Variants in LRP2 observed in about 807,000 individuals in gnomAD.
LRP2 encodes LDL receptor related protein 2, also known as low-density lipoprotein receptor-related protein 2.
In LRP2, 172 loss-of-function variants were observed where a neutral mutation model predicts 531.0. That is an observed-to-expected ratio of 0.32 (90% CI 0.29 to 0.37). LRP2 has a LOEUF of 0.37. Ranked by LOEUF, LRP2 falls within the 10% of genes least tolerant of loss-of-function variation. The probability of loss-of-function intolerance (pLI) is 1.00; values close to 1 mark genes in which losing one functional copy is unlikely to be tolerated. For missense variants in LRP2, 5,167 were observed against 5,868.3 expected, an observed-to-expected ratio of 0.88 and a Z score of 3.90; for synonymous variants, 1,992 against 2,027.6, an observed-to-expected ratio of 0.98 and a Z score of 0.47.
At chr2:169,322,975 G>C (rs977741387) in intron 1 of LRP2, among the ~76,000 whole-genome samples, 6 of 152,084 alleles carry the variant, frequency 3.9e-5, no homozygotes, top group African/African-American at 1.4e-4. Context: ...TTGAGGAGTG[G>C]GGTGGGGGGA....
chr2:169,138,234 T>C (rs548497212), intron 75 of LRP2, among the ~76,000 whole-genome samples: 1 of 152,314 alleles, frequency 6.6e-6, no homozygotes, highest in Non-Finnish European at 1.5e-5. Context: ...ACTCCTTTTA[T>C]ACATATAAAA....
At chr2:169,230,989 TAAG>T (rs1384002753) in intron 31 of LRP2, among the ~76,000 whole-genome samples, 8 of 152,026 alleles carry the variant, frequency 5.3e-5, no homozygotes, top group Non-Finnish European at 1.2e-4. Context: ...CTATTGGTTA[TAAG>T]AATAAAAATG....
chr2:169,347,634 G>A (rs559256167), intron 1 of LRP2, among the ~76,000 whole-genome samples: 4 of 151,424 alleles, frequency 2.6e-5, no homozygotes, highest in Non-Finnish European at 5.9e-5. Context: ...TAATATAGGA[G>A]AAACCCAGCA....
rs575839901 is a variant in LRP2, at chr2:169,168,790, A to G, written c.11498-114T>C. On this transcript the variant is annotated intron_variant, in intron 60 of 78. Coordinates refer to ENST00000649046, the MANE Select transcript of LRP2 (RefSeq NM_004525.3). ...CATTATAGCCTGCTCTTCTTTATTC[A>G]TCAAGATGTATAGTGGCCTTGACCT... is the stretch of plus-strand genomic sequence containing the variant. The G allele has an allele frequency of 3.5e-6, 4 of 1,151,428 alleles. No homozygotes were observed. In the East Asian group the frequency reaches 1.0e-4, roughly 29 times the overall value. 71.3% of individuals were successfully genotyped at this position (1,151,428 alleles called of 1,614,324 possible).
Position 169,213,834 on chromosome 2 carries a change from T to C in LRP2, c.5863A>G (p.Ile1955Val), listed in dbSNP as rs777345875. ...RGNVDGTDRM[I>V]LVHQLSHPWG... ...GGGTGGGAAAGCTGGTGTACCAGGATCATTCGATCTGTTCCATCCACGTTT... is the reference window on the plus strand; with the variant it reads ...GGGTGGGAAAGCTGGTGTACCAGGACCATTCGATCTGTTCCATCCACGTTT... Residue 1955 changes from isoleucine (I) to valine (V), a missense_variant, in exon 36 of 79, where the codon ATC becomes GTC. By Grantham distance (29) the Ile-to-Val change is conservative (BLOSUM62 3). Coordinates refer to ENST00000649046, the MANE Select transcript of LRP2 (RefSeq NM_004525.3). 3.7e-6 allele frequency: 6 copies of C among 1,613,790 alleles called. No homozygotes were observed. The highest frequency in any genetic ancestry group is 4.2e-6 in the Non-Finnish European group (5 of 1,179,786).
At chr2:169,182,725 T>C (rs1290699026) in intron 50 of LRP2, 1 of 600,946 alleles carries the variant, frequency 1.7e-6, no homozygotes, top group African/African-American at 2.0e-5. Context: ...AGTGTGTCAT[T>C]GAAACTGCAC....
intron 1 of LRP2, among the ~76,000 whole-genome samples, chr2:169,348,907 T>C (rs1196441018): frequency 6.6e-6 from 1 of 152,228 alleles, no homozygotes; most frequent in Middle Eastern, 3.4e-3. Flanking sequence ...TTTTTCTCCA[T>C]CAGGACCTTG....
At chr2:169,360,128 C>CAAAAAAAAAAAAAAAAAAAAA (rs67818940) in intron 1 of LRP2, among the ~76,000 whole-genome samples, 1 of 105,036 alleles carries the variant, frequency 9.5e-6, no homozygotes, top group African/African-American at 4.2e-5. Context: ...CTGTCTCTCT[C>CAAAAAAAAAAAAAAAAAAAAA]AAAAAAAAAA....
intron 1 of LRP2, among the ~76,000 whole-genome samples, chr2:169,328,457 AAAAAAAAG>A (rs1685180474): frequency 1.4e-5 from 2 of 147,056 alleles, no homozygotes; most frequent in African/African-American, 2.5e-5. Flanking sequence ...AAAAAAAAAA[AAAAAAAAG>A]AAAAAAAAAG....
intron 9 of LRP2, among the ~76,000 whole-genome samples, chr2:169,285,576 A>G (rs1683833558): frequency 6.6e-6 from 1 of 152,064 alleles, no homozygotes; most frequent in Non-Finnish European, 1.5e-5. Flanking sequence ...CCCACCAACA[A>G]ATACTGCTGT....
chr2:169,174,854 T>C (rs569338716), intron 55 of LRP2, among the ~76,000 whole-genome samples: 278 of 136,888 alleles, frequency 2.0e-3, no homozygotes, highest in African/African-American at 7.0e-3. Flanking sequence ...TAAATAAATA[T>C]GACAACTGAG....
At chr2:169,279,686 T>C (rs1227604024) in intron 11 of LRP2, 91 bp from the exon 12 acceptor site, 1 of 749,690 alleles carries the variant, frequency 1.3e-6, no homozygotes, top group African/African-American at 1.8e-5. Flanking sequence ...AAATCAGAAG[T>C]GCTAAAAATC....
chr2:169,336,691 T>C (rs1179949771), intron 1 of LRP2, among the ~76,000 whole-genome samples: 2 of 152,178 alleles, frequency 1.3e-5, no homozygotes, highest in Non-Finnish European at 2.9e-5. Flanking sequence ...CCAAACTAAA[T>C]GCAACGCAAC....
intron 34 of LRP2, among the ~76,000 whole-genome samples, chr2:169,219,428 A>G (rs1298270008): frequency 1.3e-5 from 2 of 152,200 alleles, no homozygotes; most frequent in East Asian, 1.9e-4. Flanking sequence ...TGAAATAGCC[A>G]ATCAAACAGA....
intron 38 of LRP2, 143 bp from the exon 39 acceptor site, chr2:169,207,393 T>G (rs1469318138): frequency 1.5e-6 from 1 of 668,416 alleles, no homozygotes; most frequent in Non-Finnish European, 2.7e-6. Flanking sequence ...AGTGTCCCAG[T>G]CTAGGCTTAG....
In LRP2 at chr2:169,142,785, G is replaced by A; in HGVS notation, c.12997C>T (p.Leu4333Phe). ...AGGTGGCTGCAGATCTGTTTGCAAA[G>A]GTTGGGCACTGGAAAGCGGGTGAGA... ...QLRYNKSVPN[L>F]CKQICSHLCL... Residue 4333 changes from leucine to phenylalanine, a missense_variant, in exon 71 of 79, where the codon CTT (leucine) becomes TTT (phenylalanine). By Grantham distance (22) the Leu-to-Phe change is conservative. Around this residue, in one of 6 missense-constraint regions of LRP2, gnomAD observed 564 missense variants for 747.7 expected, o/e 0.75. Coordinates refer to ENST00000649046, the MANE Select transcript of LRP2 (RefSeq NM_004525.3). 1 of 1,613,988 alleles carries A rather than the reference G, an allele frequency of 6.2e-7. No homozygotes were observed. Among genetic ancestry groups the A allele is most frequent in the Non-Finnish European group, 8.5e-7 (1 of 1,179,902 alleles).
chr2:169,181,725 C>CTCCTCAGAA, intron 51 of LRP2, 107 bp from the exon 52 acceptor site: 1 of 992,226 alleles, frequency 1.0e-6, no homozygotes. Flanking sequence ...TTCTGTAGAG[C>CTCCTCAGAA]AGACTGCATT....
At position 169,310,500 on chromosome 2, in the gene LRP2, C is replaced by T. The variant is rs188929933; in HGVS notation, c.311-3103G>A. ...TTGGTTCTGTTTATATGATGGATTA[C>T]GCTTATTGATTTGCGTATGTTGAAC... is the stretch of plus-strand genomic sequence containing the variant. On this transcript the variant is annotated intron_variant, in intron 3 of 78. Transcript: ENST00000649046. Among the ~76,000 whole-genome samples, 4 of 152,196 alleles carry T rather than the reference C, an allele frequency of 2.6e-5. No homozygotes were observed. The East Asian group carries it at 5.8e-4, about 22-fold the overall frequency.
rs552605545 is a variant in LRP2 at position 169,208,732 on chromosome 2, C to T, written c.6469+721G>A. 3.3e-5 allele frequency among the ~76,000 whole-genome samples: 5 copies of T among 152,304 alleles called. No individual in the cohort carries two copies. In the South Asian group the frequency reaches 1.0e-3, roughly 32 times the overall value. On this transcript the variant is annotated intron_variant, in intron 38 of 78. Coordinates refer to ENST00000649046, the MANE Select transcript of LRP2 (RefSeq NM_004525.3). The stretch of plus-strand genomic sequence containing the variant: ...TCAGCCTCCTAAAGTGCTGGGATTA[C>T]AGGCATGAGCCACTGCGCCCTGCCT...
Sources: gnomAD v4.1 joint callset for allele counts (sites outside exome capture counted in the v4.1 genomes callset) on GRCh38, gnomAD v4.1.1 for gene constraint, gnomAD v4.1.1 regional missense constraint, MANE v1.5 for transcripts, NCBI Gene and HGNC (gene_info 2026-07-23, HGNC 2026-07-21) for gene names.